The following ZNF317 variants were observed in gnomAD, a reference collection of about 807,000 sequenced individuals.
The protein encoded by ZNF317 is zinc finger protein 317.
Under a neutral mutation model 23.4 loss-of-function variants are expected in ZNF317, and 17 were observed. The observed-to-expected ratio is 0.73, with a 90% CI of 0.50 to 1.09. The LOEUF is 1.09. ZNF317 is among the 50% of genes least tolerant of loss of function. ZNF317 has a pLI of 0.00. For synonymous variants in ZNF317, 317 were observed against 314.9 expected, an observed-to-expected ratio of 1.01 and a Z score of -0.07; for missense variants, 679 against 796.7, an observed-to-expected ratio of 0.85 and a Z score of 1.78.
chr19:9,143,188 C>T (rs1005017747), intron 1 of ZNF317, among the ~76,000 whole-genome samples: 1 of 152,092 alleles, frequency 6.6e-6, no homozygotes, highest in African/African-American at 2.4e-5. Context: ...ATAACATACT[C>T]AAATTTTTAA....
intron 1 of ZNF317, among the ~76,000 whole-genome samples, chr19:9,149,004 T>C (rs546077747): frequency 6.6e-6 from 1 of 152,304 alleles, no homozygotes; most frequent in African/African-American, 2.4e-5. Context: ...ACAAGTGGCA[T>C]CCTTGAACAA....
chr19:9,153,152 G>T (rs201574447), intron 1 of ZNF317, among the ~76,000 whole-genome samples: 10,070 of 95,516 alleles, frequency 0.11, 350 homozygotes, highest in Middle Eastern at 0.18. Context: ...AGTTGTTTTT[G>T]TTTGTTTGTT....
chr19:9,152,448 C>T (rs947238363), intron 1 of ZNF317, among the ~76,000 whole-genome samples: 49 of 152,176 alleles, frequency 3.2e-4, no homozygotes, highest in African/African-American at 9.7e-4. Flanking sequence ...GTATTTACAG[C>T]GGCTCCCCAT....
Position 9,157,384 on chromosome 19 carries a change from C to T in ZNF317, c.279C>T (p.Leu93=). 6.2e-7 allele frequency: 1 copy of T among 1,614,104 alleles called. No individual in the cohort carries two copies. Among genetic ancestry groups the T allele is most frequent in the Non-Finnish European group, 8.5e-7 (1 of 1,179,986 alleles). The change falls in exon 4 of 7, where the codon CTC becomes CTT. Residue 93 remains leucine, a synonymous_variant. Transcript: ENST00000247956. Reference sequence around the variant, plus strand: ...TAATGCTGGAGAACTACAGCAACCTCACTTCACTGGGTAAGGCCAGTGCCA... The same window carrying T: ...TAATGCTGGAGAACTACAGCAACCTTACTTCACTGGGTAAGGCCAGTGCCA... ...KDVMLENYSN[L]TSLGYQVGKP... is the part of the protein sequence containing the mutation.
rs2050870926 is a variant in ZNF317, at chr19:9,162,561, A to G, written c.*1128A>G. 1 of 106,688 alleles carries G rather than the reference A, an allele frequency of 9.4e-6. No homozygotes were observed. Among genetic ancestry groups the G allele is most frequent in the South Asian group, 2.4e-4 (1 of 4,156 alleles). 6.6% of individuals were successfully genotyped at this position (106,688 alleles called of 1,614,324 possible). ...ATTGCACTTACTCTTTCATCACGGA[A>G]ACAGACCCCCCGAGAGAAGCCCCAA... On this transcript the variant is annotated 3_prime_UTR_variant, in exon 7 of 7. Transcript: ENST00000247956.
intron 3 of ZNF317, 58 bp downstream of exon 3, chr19:9,156,806 C>G (rs1266972818): frequency 8.2e-6 from 13 of 1,580,148 alleles, no homozygotes; most frequent in Admixed American, 1.8e-5. Context: ...AAGACCCCAC[C>G]AGTGCATGCT....
chr19:9,159,558 T>TG (rs968990697), intron 6 of ZNF317, among the ~76,000 whole-genome samples: 10 of 148,600 alleles, frequency 6.7e-5, no homozygotes, highest in Non-Finnish European at 1.3e-4. Flanking sequence ...TTTTGTTTTT[T>TG]TTTTTGAGGC....
intron 1 of ZNF317, 139 bp downstream of exon 1, chr19:9,140,731 CGCGATCA>C: frequency 8.4e-6 from 3 of 356,870 alleles, no homozygotes; most frequent in Non-Finnish European, 1.7e-5. Context: ...GTTTAGATCT[CGCGATCA>C]GCGATATGAA....
Position 9,155,934 on chromosome 19 carries a change from T to C in ZNF317, c.-83T>C, listed in dbSNP as rs2050777459. The C allele has an allele frequency of 5.8e-6, 9 of 1,550,892 alleles. No individual in the cohort carries two copies. The highest frequency in any genetic ancestry group is 8.0e-6 in the Non-Finnish European group (9 of 1,122,678). Reference sequence around the variant, plus strand: ...CTTTCATTTGCTACAGATGCCAGCTTGGAGAGTCACGTGAGAGCAAGAGAG... The same window carrying C: ...CTTTCATTTGCTACAGATGCCAGCTCGGAGAGTCACGTGAGAGCAAGAGAG... On this transcript the variant is annotated 5_prime_UTR_variant, in exon 2 of 7. Coordinates refer to ENST00000247956, the MANE Select transcript of ZNF317 (RefSeq NM_020933.5).
At chr19:9,158,196 T>C in intron 5 of ZNF317, 121 bp downstream of exon 5, 1 of 1,293,156 alleles carries the variant, frequency 7.7e-7, no homozygotes, top group Non-Finnish European at 1.0e-6. Context: ...TTCCCTCTTT[T>C]TGCCCATCCA....
chr19:9,157,926 G>A (rs1310078677), intron 4 of ZNF317, 54 bp from the exon 5 acceptor site: 16 of 1,531,266 alleles, frequency 1.0e-5, no homozygotes, highest in South Asian at 3.7e-5. Context: ...GCTACTGGAA[G>A]GGGTTGTCCT....
chr19:9,160,570 G>T lies in ZNF317; in HGVS notation c.925G>T (p.Asp309Tyr), dbSNP rs1365757958. ...CACTGGCGAGAGGCCTTACAAGTGTGATCAGTGCGGGAAGGCTTACGGCCG... is the reference window on the plus strand; with the variant it reads ...CACTGGCGAGAGGCCTTACAAGTGTTATCAGTGCGGGAAGGCTTACGGCCG... ...VHTGERPYKCDQCGKAYGRSC... is the reference protein window; with the variant it reads ...VHTGERPYKCYQCGKAYGRSC... Residue 309 changes from aspartate to tyrosine, a missense_variant, in exon 7 of 7, where the codon GAT becomes TAT. Physicochemically the swap from Asp to Tyr is radical, Grantham distance 160. Transcript: ENST00000247956. The surrounding 1 kb of genome is among the most constrained non-coding windows in gnomAD (Gnocchi z 6.8). 1 of 1,614,178 alleles carries T rather than the reference G, an allele frequency of 6.2e-7. No homozygotes were observed. The highest frequency in any genetic ancestry group is 1.3e-5 in the African/African-American group (1 of 75,050).
chr19:9,144,225 A>T (rs1780647562), intron 1 of ZNF317, among the ~76,000 whole-genome samples: 2 of 151,670 alleles, frequency 1.3e-5, no homozygotes, highest in Non-Finnish European at 2.9e-5. Context: ...CTGGTCTCGA[A>T]CTCCCAACCT....
intron 1 of ZNF317, among the ~76,000 whole-genome samples, chr19:9,147,808 A>T (rs2050699565): frequency 6.6e-6 from 1 of 151,994 alleles, no homozygotes; most frequent in African/African-American, 2.4e-5. Context: ...AGACTCTCTG[A>T]TACAGTTTGG....
intron 5 of ZNF317, 30 bp from the exon 6 acceptor site, chr19:9,158,796 A>G (rs2050815963): frequency 2.1e-6 from 3 of 1,461,038 alleles, no homozygotes; most frequent in African/African-American, 1.4e-5. Context: ...TTCCTTTTCC[A>G]ACAATTAATA....
rs747209318 is a variant in ZNF317 at position 9,161,078 on chromosome 19, C to G, written c.1433C>G (p.Ala478Gly). Residue 478 changes from alanine to glycine, a missense_variant, in exon 7 of 7, where the codon GCC (alanine) becomes GGC (glycine). Transcript: ENST00000247956. The surrounding 1 kb of genome is among the most constrained non-coding windows in gnomAD (Gnocchi z 4.0). ...HTQERRYECA[A>G]CGKVFGDYLS... ...CAAGAGAGACGCTACGAATGCGCCG[C>G]CTGCGGGAAAGTCTTCGGTGACTAT... 61 of 1,613,998 alleles carry G rather than the reference C, an allele frequency of 3.8e-5. No individual in the cohort carries two copies. Among genetic ancestry groups the G allele is most frequent in the Non-Finnish European group, 5.0e-5 (59 of 1,180,018 alleles).
At chr19:9,154,841 A>G (rs1033851517) in intron 1 of ZNF317, among the ~76,000 whole-genome samples, 1 of 152,218 alleles carries the variant, frequency 6.6e-6, no homozygotes, top group African/African-American at 2.4e-5. Context: ...TCAGGATATG[A>G]GAGGTGCCAG....
At chr19:9,146,065 C>CT (rs567814572) in intron 1 of ZNF317, among the ~76,000 whole-genome samples, 48 of 149,552 alleles carry the variant, frequency 3.2e-4, no homozygotes, top group East Asian at 3.9e-4. Flanking sequence ...TTCCATTTTG[C>CT]TTTTTTTTTA....
At chr19:9,158,363 CTTTTTTTT>C (rs200591339) in intron 5 of ZNF317, among the ~76,000 whole-genome samples, 7,759 of 76,326 alleles carry the variant, frequency 0.1, 173 homozygotes, top group Middle Eastern at 0.14. Flanking sequence ...TTTCTTTTTT[CTTTTTTTT>C]TTTTTTTTTT....
Sources: gnomAD v4.1 joint callset for allele counts (sites outside exome capture counted in the v4.1 genomes callset) on GRCh38, gnomAD v4.1.1 for gene constraint, Gnocchi (gnomAD v3.1) non-coding constraint, MANE v1.5 for transcripts, NCBI Gene and HGNC (gene_info 2026-07-23, HGNC 2026-07-21) for gene names.